Variants in XRRA1 observed in about 807,000 individuals in gnomAD.
The protein encoded by XRRA1 is X-ray radiation resistance associated 1, also known as X-ray radiation resistance-associated protein 1.
XRRA1 carries 69 observed loss-of-function variants against 80.2 expected under a neutral mutation model. That is an observed-to-expected ratio of 0.86 (90% CI 0.71 to 1.05). XRRA1 has a LOEUF of 1.05. Among genes scored for constraint, XRRA1 ranks in the 50% least tolerant of loss-of-function variants. The pLI is 0.00. For synonymous variants in XRRA1, 348 were observed against 389.9 expected (o/e 0.89, Z 1.27); for missense variants, 967 against 976.4 (o/e 0.99, Z 0.13).
At chr11:74,911,939 A>G (rs911690166) in intron 8 of XRRA1, among the ~76,000 whole-genome samples, 1 of 152,170 alleles carries the variant, frequency 6.6e-6, no homozygotes, top group African/African-American at 2.4e-5. Flanking sequence ...CCTTTATATG[A>G]ATTTCGGATC....
chr11:74,923,081 A>T (rs1383693569), intron 7 of XRRA1, among the ~76,000 whole-genome samples: 1 of 152,244 alleles, frequency 6.6e-6, no homozygotes, highest in Admixed American at 6.5e-5. Context: ...GGATATGGTC[A>T]GGTCTACCAG....
chr11:74,940,951 G>T, intron 2 of XRRA1, 69 bp from the exon 3 acceptor site: 1 of 1,226,784 alleles, frequency 8.2e-7, no homozygotes, highest in Non-Finnish European at 1.2e-6. Flanking sequence ...TCTTACTCCA[G>T]TGCAGCTCAT....
At chr11:74,923,825 A>G (rs1430235514) in intron 7 of XRRA1, among the ~76,000 whole-genome samples, 1 of 152,148 alleles carries the variant, frequency 6.6e-6, no homozygotes, top group Non-Finnish European at 1.5e-5. Context: ...TGTGTAACCC[A>G]GGAGCTAAGA....
At chr11:74,899,743 G>A (rs1303867950) in intron 10 of XRRA1, among the ~76,000 whole-genome samples, 2 of 152,110 alleles carry the variant, frequency 1.3e-5, no homozygotes, top group African/African-American at 4.8e-5. Flanking sequence ...AACAAGTAAC[G>A]TGATTGAAAC....
chr11:74,887,769 G>C (rs145293493), intron 10 of XRRA1, among the ~76,000 whole-genome samples: 9,703 of 152,234 alleles, frequency 0.064, 420 homozygotes, highest in Middle Eastern at 0.14. Flanking sequence ...CACACCAAGA[G>C]ATTATATCCC....
At chr11:74,898,512 A>G (rs997006246) in intron 10 of XRRA1, among the ~76,000 whole-genome samples, 1 of 60,938 alleles carries the variant, frequency 1.6e-5, no homozygotes, top group Admixed American at 1.4e-4. Context: ...CCTACAAGAA[A>G]CACACCTCAT....
rs1944240195 is a variant in XRRA1 at position 74,933,781 on chromosome 11, T to C, written c.351+20A>G. 1 of 1,570,682 alleles carries C rather than the reference T, an allele frequency of 6.4e-7. No homozygotes were observed. The highest frequency in any genetic ancestry group is 1.3e-5 in the African/African-American group (1 of 74,098). ...TCAAGTCTGGCTCACCCCAATCACA[T>C]CTTTGCTGGCTGACCTCACCTTGGA... is the stretch of plus-strand genomic sequence containing the variant. On this transcript the variant is annotated intron_variant, in intron 5 of 18. Coordinates refer to ENST00000684022, the MANE Select transcript of XRRA1 (RefSeq NM_001378157.1).
At chr11:74,931,537 C>T (rs1943560192) in intron 5 of XRRA1, among the ~76,000 whole-genome samples, 1 of 152,012 alleles carries the variant, frequency 6.6e-6, no homozygotes, top group African/African-American at 2.4e-5. Flanking sequence ...GTTGTCCAGG[C>T]TAGTCTCAAA....
chr11:74,863,127 T>G, intron 10 of XRRA1, 106 bp from the exon 11 acceptor site: 3 of 1,052,606 alleles, frequency 2.9e-6, no homozygotes, highest in Non-Finnish European at 4.3e-6. Context: ...GGGCACCTCC[T>G]AGAGGGAGTT....
chr11:74,901,944 T>G (rs2053634886), intron 10 of XRRA1, among the ~76,000 whole-genome samples: 1 of 152,084 alleles, frequency 6.6e-6, no homozygotes, highest in African/African-American at 2.4e-5. Flanking sequence ...TTAAAAAGCT[T>G]CTGTACAACA....
chr11:74,903,081 C>G (rs1335504118), intron 10 of XRRA1, among the ~76,000 whole-genome samples: 1 of 152,014 alleles, frequency 6.6e-6, no homozygotes, highest in Non-Finnish European at 1.5e-5. Context: ...TAAGATAATA[C>G]CAAGTATTGA....
chr11:74,930,344 T>C lies in XRRA1; in HGVS notation c.380A>G (p.His127Arg). ...KAKENDFKHFHSVIYINASEN... is the reference protein window; with the variant it reads ...KAKENDFKHFRSVIYINASEN... ...TGAGGCATTGATATAAATCACAGAA[T>C]GAAAATGCTTGAAGTCATTTTCCTT... The change falls in exon 6 of 19, where the codon CAT (histidine) becomes CGT (arginine). Residue 127 changes from histidine to arginine, a missense_variant. Physicochemically the swap from His to Arg is conservative, Grantham distance 29. Coordinates refer to ENST00000684022, the MANE Select transcript of XRRA1 (RefSeq NM_001378157.1). 1 of 1,565,214 alleles carries C rather than the reference T, an allele frequency of 6.4e-7. No individual in the cohort carries two copies. Among genetic ancestry groups the C allele is most frequent in the Non-Finnish European group, 8.7e-7 (1 of 1,153,890 alleles).
At chr11:74,868,003 C>T (rs1255093007) in intron 10 of XRRA1, among the ~76,000 whole-genome samples, 1 of 145,976 alleles carries the variant, frequency 6.9e-6, no homozygotes, top group Non-Finnish European at 1.5e-5. Flanking sequence ...TTCACTGCAA[C>T]CTCCGCCTCC....
At chr11:74,907,332 CA>C (rs1381626619) in intron 8 of XRRA1, 59 bp from the exon 9 acceptor site, 29 of 1,600,740 alleles carry the variant, frequency 1.8e-5, no homozygotes, top group Non-Finnish European at 2.5e-5. Flanking sequence ...CCACCATTCC[CA>C]GGAAGCCATG....
intron 2 of XRRA1, 33 bp from the exon 3 acceptor site, chr11:74,940,915 A>G (rs1432583956): frequency 5.2e-6 from 8 of 1,534,084 alleles, no homozygotes; most frequent in Non-Finnish European, 7.1e-6. Flanking sequence ...AAGGAAGCAG[A>G]AGAGTGAAAA....
intron 2 of XRRA1, among the ~76,000 whole-genome samples, chr11:74,943,435 G>A (rs1045590977): frequency 2.0e-5 from 3 of 151,834 alleles, no homozygotes; most frequent in African/African-American, 4.8e-5. Flanking sequence ...ACATTTTACC[G>A]AGGACTTGCA....
At chr11:74,940,493 C>T (rs953859587) in intron 3 of XRRA1, among the ~76,000 whole-genome samples, 1 of 152,162 alleles carries the variant, frequency 6.6e-6, no homozygotes, top group Non-Finnish European at 1.5e-5. Context: ...CACCGTGGAA[C>T]AGAGCATAAA....
At chr11:74,843,650 C>G (rs1469074502) in intron 18 of XRRA1, 197 bp from the exon 19 acceptor site, 1 of 852,938 alleles carries the variant, frequency 1.2e-6, no homozygotes, top group Non-Finnish European at 1.8e-6. Flanking sequence ...ATCTTAAGCC[C>G]TGGTTCAGGA....
intron 2 of XRRA1, among the ~76,000 whole-genome samples, 157 bp downstream of exon 2, chr11:74,944,861 A>G (rs1947176855): frequency 6.6e-6 from 1 of 152,202 alleles, no homozygotes; most frequent in African/African-American, 2.4e-5. Flanking sequence ...CATCTGCTAG[A>G]GGTAAATGAA....
Sources: allele counts gnomAD v4.1 joint callset (sites outside exome capture counted in the v4.1 genomes callset), GRCh38; gene constraint gnomAD v4.1.1; transcripts MANE v1.5; gene names NCBI Gene and HGNC (gene_info 2026-07-23, HGNC 2026-07-21).